The following KIF4A variants were observed in gnomAD, a reference collection of about 807,000 sequenced individuals.
KIF4A encodes chromosome-associated kinesin KIF4A.
A neutral mutation model predicts 105.9 loss-of-function variants in KIF4A; 7 were observed. The ratio of observed to expected loss-of-function variants is 0.07; its 90% confidence interval spans 0.04 to 0.12. The LOEUF is 0.12. Among genes scored for constraint, KIF4A ranks in the 10% least tolerant of loss-of-function variants. KIF4A has a pLI of 1.00. For missense variants in KIF4A, 558 were observed against 929.2 expected (o/e 0.60, Z 5.19); for synonymous variants, 281 against 331.3 (o/e 0.85, Z 1.65).
At chrX:70,362,119 G>C (rs1013174484) in intron 15 of KIF4A, 15 of 176,403 alleles carry the variant, frequency 8.5e-5, no homozygotes, top group Non-Finnish European at 1.5e-4. Context: ...GGTCTCAAGT[G>C]ATTTGTCCAA....
chrX:70,293,607 G>A (rs140683349), intron 3 of KIF4A, among the ~76,000 whole-genome samples: 198 of 112,240 alleles, frequency 1.8e-3, no homozygotes, highest in Middle Eastern at 0.014. Flanking sequence ...AGATAGTATA[G>A]CCTCCTATAC....
chrX:70,378,721 T>A, intron 18 of KIF4A, among the ~76,000 whole-genome samples: 1 of 25,975 alleles, frequency 3.8e-5, no homozygotes, highest in Non-Finnish European at 6.5e-5. Flanking sequence ...AAAGCGAAAC[T>A]GTCTCAAAAA....
intron 18 of KIF4A, among the ~76,000 whole-genome samples, chrX:70,382,449 A>G (rs769790146): frequency 3.8e-4 from 42 of 111,720 alleles, no homozygotes; most frequent in Non-Finnish European, 7.0e-4. Flanking sequence ...ACTTGCTCTC[A>G]TACCATATAC....
intron 15 of KIF4A, among the ~76,000 whole-genome samples, chrX:70,373,620 ATATACG>A (rs2086156878): frequency 6.8e-5 from 1 of 14,789 alleles, no homozygotes; most frequent in African/African-American, 1.6e-4. Context: ...ACGTGTATAT[ATATACG>A]TATATATATA....
rs764134871 is a variant in KIF4A, at chrX:70,319,081, G to A, written c.779-10324G>A. Among the ~76,000 whole-genome samples, 143 of 111,373 alleles carry A rather than the reference G, an allele frequency of 1.3e-3. 1 individual carries two copies. Among genetic ancestry groups the A allele is most frequent in the Non-Finnish European group, 2.0e-3 (104 of 53,053 alleles). ...AGATGGAGACCCTCCTGGCCAACAC[G>A]GTGAAACCCCGTCTCTACTAAAAAT... is the stretch of plus-strand genomic sequence containing the variant. On this transcript the variant is annotated intron_variant, in intron 7 of 30. Coordinates refer to ENST00000374403, the MANE Select transcript of KIF4A (RefSeq NM_012310.5).
At chrX:70,340,945 A>G (rs1208459021) in intron 10 of KIF4A, among the ~76,000 whole-genome samples, 3 of 111,398 alleles carry the variant, frequency 2.7e-5, no homozygotes, top group African/African-American at 9.8e-5. Flanking sequence ...ATTTCATCCC[A>G]GTGGATTAAA....
intron 10 of KIF4A, among the ~76,000 whole-genome samples, chrX:70,337,844 A>G (rs1220363990): frequency 8.9e-6 from 1 of 112,307 alleles, no homozygotes; most frequent in Non-Finnish European, 1.9e-5. Flanking sequence ...AAACCACCAT[A>G]CTGTTTTCCA....
rs2086258695 is a variant in KIF4A at position 70,396,114 on chromosome X, A to G, written c.2489+65A>G. On this transcript the variant is annotated intron_variant, in intron 22 of 30. Coordinates refer to ENST00000374403, the MANE Select transcript of KIF4A (RefSeq NM_012310.5). ...CCTGGAATCAAAAATTGAACCTATTAATCTAGTGATTCAAAAGCCTTGTGA... is the reference window on the plus strand; with the variant it reads ...CCTGGAATCAAAAATTGAACCTATTGATCTAGTGATTCAAAAGCCTTGTGA... 3 of 798,500 alleles carry G rather than the reference A, an allele frequency of 3.8e-6. No individual in the cohort carries two copies. The Admixed American group carries it at 9.1e-5, about 24-fold the overall frequency. The allele number at this position is 798,500 out of a possible 1,213,427, so 65.8% of individuals were successfully genotyped here.
chrX:70,419,985 G>A (rs2086360165), intron 30 of KIF4A, 77 bp from the exon 31 acceptor site: 5 of 1,026,385 alleles, frequency 4.9e-6, no homozygotes, highest in Non-Finnish European at 6.7e-6. Flanking sequence ...AGTATGTCGA[G>A]CATCTATAGC....
intron 2 of KIF4A, 26 bp from the exon 3 acceptor site, chrX:70,290,665 T>G: frequency 8.3e-7 from 1 of 1,203,541 alleles, no homozygotes; most frequent in South Asian, 1.8e-5. Flanking sequence ...TTTTTAACCT[T>G]ACGCCTTGTC....
chrX:70,334,990 C>T (rs1366939559), intron 10 of KIF4A, among the ~76,000 whole-genome samples: 1 of 111,602 alleles, frequency 9.0e-6, no homozygotes, highest in African/African-American at 3.3e-5. Context: ...CATGGAGGTT[C>T]CTAAAAAAAT....
chrX:70,344,865 A>T (rs765045708), intron 13 of KIF4A, among the ~76,000 whole-genome samples: 27 of 112,028 alleles, frequency 2.4e-4, no homozygotes, highest in African/African-American at 4.5e-4. Context: ...AGAGAATATT[A>T]AAAAAATGCC....
At chrX:70,347,260 C>T (rs2085996617) in intron 13 of KIF4A, among the ~76,000 whole-genome samples, 1 of 111,879 alleles carries the variant, frequency 8.9e-6, no homozygotes, top group African/African-American at 3.3e-5. Context: ...CTAACCATCA[C>T]CTTTATGAAA....
chrX:70,362,461 A>G, intron 15 of KIF4A: 1 of 132,483 alleles, frequency 7.5e-6, no homozygotes, highest in Non-Finnish European at 1.5e-5. Flanking sequence ...CTATAGTAAG[A>G]GATCTAGTCT....
At chrX:70,386,799 C>A in intron 19 of KIF4A, 98 bp downstream of exon 19, 1 of 594,997 alleles carries the variant, frequency 1.7e-6, no homozygotes, top group Non-Finnish European at 2.8e-6. Context: ...TCCTGAGAAA[C>A]CAGGGATGCC....
At chrX:70,334,527 A>G (rs1277149745) in intron 10 of KIF4A, among the ~76,000 whole-genome samples, 2 of 112,238 alleles carry the variant, frequency 1.8e-5, no homozygotes, top group Admixed American at 9.5e-5. Context: ...GTTCTACTAT[A>G]CACATAAAGT....
intron 15 of KIF4A, among the ~76,000 whole-genome samples, chrX:70,356,610 A>G (rs1329367990): frequency 1.8e-5 from 2 of 112,488 alleles, no homozygotes; most frequent in African/African-American, 6.5e-5. Context: ...TGTCAAACAA[A>G]TGCATATATA....
intron 28 of KIF4A, among the ~76,000 whole-genome samples, chrX:70,409,262 C>T (rs1238550569): frequency 8.9e-6 from 1 of 111,998 alleles, no homozygotes; most frequent in African/African-American, 3.2e-5. Flanking sequence ...AAGGGAAATA[C>T]AGTCTTGGGA....
intron 3 of KIF4A, among the ~76,000 whole-genome samples, chrX:70,294,302 T>C (rs1488689098): frequency 4.5e-5 from 5 of 112,057 alleles, no homozygotes; most frequent in African/African-American, 1.6e-4. Flanking sequence ...ACAACAATAC[T>C]TTCTTCTGGA....
Sources: allele counts gnomAD v4.1 joint callset (sites outside exome capture counted in the v4.1 genomes callset), GRCh38; gene constraint gnomAD v4.1.1; transcripts MANE v1.5; gene names NCBI Gene and HGNC (gene_info 2026-07-23, HGNC 2026-07-21).